The following SNX27 variants were observed in gnomAD, a reference collection of about 807,000 sequenced individuals.
SNX27 encodes sorting nexin 27.
A neutral mutation model predicts 71.6 loss-of-function variants in SNX27; 22 were observed. That is an observed-to-expected ratio of 0.31 (90% CI 0.22 to 0.44). SNX27 has a LOEUF of 0.44. SNX27 is among the 20% of genes least tolerant of loss of function. The pLI is 1.00. For synonymous variants in SNX27, 269 were observed against 277.2 expected (o/e 0.97, Z 0.29); for missense variants, 531 against 698.6 (o/e 0.76, Z 2.70).
rs1052720028 is a variant in SNX27 at position 151,683,728 on chromosome 1, G to A, written c.1239+283G>A. ...GTTGCCCAGGCTGAAGTGCAGTGTC[G>A]CGATCTAGGCTCACTGCAACCTTTG... On this transcript the variant is annotated intron_variant, in intron 8 of 11. Coordinates refer to ENST00000458013, the MANE Select transcript of SNX27 (RefSeq NM_001330723.2). Among the ~76,000 whole-genome samples, 20 of 152,210 alleles carry A rather than the reference G, an allele frequency of 1.3e-4. No individual in the cohort carries two copies. The East Asian group carries it at 3.7e-3, about 28-fold the overall frequency.
rs551148904 is a variant in SNX27 at position 151,670,202 on chromosome 1, A to G, written c.1149+1567A>G. On this transcript the variant is annotated intron_variant, in intron 7 of 11. Transcript: ENST00000458013. ...AACATAGTGACCTCCACTTCCATCC[A>G]TGTTGTTGCAAATGACTGACTCTCA... 2.6e-5 allele frequency among the ~76,000 whole-genome samples: 4 copies of G among 152,190 alleles called. No homozygotes were observed. The East Asian group carries it at 5.8e-4, about 22-fold the overall frequency.
intron 6 of SNX27, among the ~76,000 whole-genome samples, chr1:151,668,258 T>C (rs1670299325): frequency 1.3e-5 from 2 of 152,190 alleles, no homozygotes. Flanking sequence ...TTCAGTTAGC[T>C]TGAGACTTGA....
At chr1:151,666,612 G>C (rs1271681439) in intron 6 of SNX27, 1 of 152,206 alleles carries the variant, frequency 6.6e-6, no homozygotes, top group East Asian at 1.9e-4. Flanking sequence ...ATTTCCTACA[G>C]TTTATGGGTC....
rs1667234033 is a variant in SNX27 at position 151,612,657 on chromosome 1, G to A, written c.311+145G>A. 3.3e-6 allele frequency: 2 copies of A among 614,618 alleles called. No individual in the cohort carries two copies. Among genetic ancestry groups the A allele is most frequent in the Non-Finnish European group, 4.8e-6 (2 of 417,236 alleles). The allele number at this position is 614,618 out of a possible 1,614,324, so 38.1% of individuals were successfully genotyped here. A position where few individuals can be genotyped will look rare whatever the true frequency, so the allele number is the denominator to read the frequency against. On this transcript the variant is annotated intron_variant, in intron 1 of 11. Coordinates refer to ENST00000458013, the MANE Select transcript of SNX27 (RefSeq NM_001330723.2). The surrounding 1 kb of genome is among the most constrained non-coding windows in gnomAD (Gnocchi z 5.2). The stretch of plus-strand genomic sequence containing the variant: ...CCCCGCCCCTCAGGCCTCCGCAGCC[G>A]GGCCCCTCCTTGTGGGCTGCCCTCC...
chr1:151,659,225 C>T (rs1558058726), intron 3 of SNX27, among the ~76,000 whole-genome samples: 1 of 151,802 alleles, frequency 6.6e-6, no homozygotes, highest in Non-Finnish European at 1.5e-5. Context: ...ACTAATACTT[C>T]TGTATTGAAT....
intron 10 of SNX27, 83 bp from the exon 11 acceptor site, chr1:151,693,341 T>C (rs1262665135): frequency 3.0e-6 from 4 of 1,340,836 alleles, no homozygotes; most frequent in Non-Finnish European, 4.3e-6. Flanking sequence ...GAAGATGGGA[T>C]GACTGGGGAC....
At chr1:151,613,610 C>T (rs1667294643) in intron 1 of SNX27, among the ~76,000 whole-genome samples, 1 of 152,032 alleles carries the variant, frequency 6.6e-6, no homozygotes, top group South Asian at 2.1e-4. Context: ...CCCACCCTCT[C>T]TCCCCTGCTG....
At chr1:151,621,758 A>G (rs1310152098) in intron 1 of SNX27, among the ~76,000 whole-genome samples, 4 of 152,254 alleles carry the variant, frequency 2.6e-5, no homozygotes, top group African/African-American at 9.6e-5. Context: ...ATTATGTTTT[A>G]AAAATTGGGA....
chr1:151,676,062 G>C (rs1216197884), intron 7 of SNX27: 1 of 150,346 alleles, frequency 6.7e-6, no homozygotes, highest in Non-Finnish European at 1.5e-5. Flanking sequence ...GAACTCCTGG[G>C]CTCAGGCAAT....
At chr1:151,629,175 C>T (rs1038319339) in intron 1 of SNX27, 2 of 148,956 alleles carry the variant, frequency 1.3e-5, no homozygotes, top group Non-Finnish European at 2.9e-5. Flanking sequence ...TTCATGTTTA[C>T]AATTTTACAT....
intron 2 of SNX27, among the ~76,000 whole-genome samples, chr1:151,651,180 G>T (rs893064929): frequency 3.3e-5 from 5 of 151,808 alleles, no homozygotes; most frequent in Admixed American, 2.6e-4. Context: ...AGGGGCGGCT[G>T]GGCAGAGGCG....
At chr1:151,686,858 A>T (rs1671207924) in intron 8 of SNX27, among the ~76,000 whole-genome samples, 1 of 152,234 alleles carries the variant, frequency 6.6e-6, no homozygotes, top group East Asian at 1.9e-4. Flanking sequence ...CTTTTCTGTA[A>T]AATGGGGATA....
At chr1:151,647,405 C>A (rs1351794782) in intron 2 of SNX27, among the ~76,000 whole-genome samples, 1 of 147,690 alleles carries the variant, frequency 6.8e-6, no homozygotes, top group Non-Finnish European at 1.5e-5. Context: ...CCACCTTGGC[C>A]TCCCAAAGTG....
chr1:151,649,078 C>T (rs1669204230), intron 2 of SNX27, among the ~76,000 whole-genome samples: 1 of 151,888 alleles, frequency 6.6e-6, no homozygotes, highest in East Asian at 1.9e-4. Flanking sequence ...TTCTCTGCCT[C>T]AGCCTCCCGA....
chr1:151,650,615 A>AT (rs1218313936), intron 2 of SNX27, among the ~76,000 whole-genome samples: 1 of 150,850 alleles, frequency 6.6e-6, no homozygotes, highest in African/African-American at 2.4e-5. Flanking sequence ...AAATTTATTT[A>AT]TTTTTTATTG....
intron 1 of SNX27, among the ~76,000 whole-genome samples, chr1:151,636,398 T>C (rs1382916516): frequency 2.0e-5 from 3 of 152,130 alleles, no homozygotes; most frequent in Non-Finnish European, 4.4e-5. Context: ...ACTCCCAGGC[T>C]CAGGTGTTCT....
Position 151,697,426 on chromosome 1 carries a change from T to G in SNX27, c.*3009T>G, listed in dbSNP as rs986142767. ...TTCCCTTTCTGGCATAGCATTCACT[T>G]GGTGCTTTGGAGATTAGGTGAGGGC... On this transcript the variant is annotated 3_prime_UTR_variant, in exon 12 of 12. Transcript: ENST00000458013. 5.9e-5 allele frequency: 9 copies of G among 152,634 alleles called. No homozygotes were observed. The highest frequency in any genetic ancestry group is 1.2e-4 in the Non-Finnish European group (8 of 68,058). The allele number at this position is 152,634 out of a possible 1,614,324, so 9.5% of individuals were successfully genotyped here.
At chr1:151,623,481 G>T (rs923890171) in intron 1 of SNX27, among the ~76,000 whole-genome samples, 1 of 151,872 alleles carries the variant, frequency 6.6e-6, no homozygotes, top group African/African-American at 2.4e-5. Context: ...GGCCAGTCTG[G>T]TCTTCTCCTG....
At chr1:151,692,832 T>G in intron 9 of SNX27, 79 bp from the exon 10 acceptor site, 1 of 1,582,600 alleles carries the variant, frequency 6.3e-7, no homozygotes, top group South Asian at 1.1e-5. Flanking sequence ...TTCTGTCTCC[T>G]GGTTCAGAAC....
Sources: allele counts gnomAD v4.1 joint callset (sites outside exome capture counted in the v4.1 genomes callset), GRCh38; gene constraint gnomAD v4.1.1; non-coding constraint Gnocchi (gnomAD v3.1); transcripts MANE v1.5; gene names NCBI Gene and HGNC (gene_info 2026-07-23, HGNC 2026-07-21).